Variants in NBPF11 observed in about 807,000 individuals in gnomAD.
NBPF11 encodes NBPF family member NBPF11.
NBPF11 carries 72 observed loss-of-function variants against 93.9 expected under a neutral mutation model. The ratio of observed to expected loss-of-function variants is 0.77; its 90% CI spans 0.63 to 0.93. The LOEUF is 0.93. Among genes scored for constraint, NBPF11 ranks in the 40% least tolerant of loss-of-function variants. NBPF11 has a pLI of 0.00. For missense variants in NBPF11, 705 were observed against 802.2 expected, an observed-to-expected ratio of 0.88 and a Z score of 1.46; for synonymous variants, 224 against 304.9, an observed-to-expected ratio of 0.73 and a Z score of 2.76.
At chr1:148,130,515 A>G (rs1670153002) in intron 4 of NBPF11, among the ~76,000 whole-genome samples, 1 of 151,792 alleles carries the variant, frequency 6.6e-6, no homozygotes, top group Non-Finnish European at 1.5e-5. Flanking sequence ...GGGGCCTCGT[A>G]CCTGCTTCAT....
intron 2 of NBPF11, among the ~76,000 whole-genome samples, chr1:148,140,066 T>G (rs1187862453): frequency 6.6e-6 from 1 of 151,720 alleles, no homozygotes; most frequent in Non-Finnish European, 1.5e-5. Flanking sequence ...GTGAAGTTGG[T>G]CAAAAGAGAA....
rs1331425551 is a variant in NBPF11, at chr1:148,120,632, ATC to A, written c.855_856del (p.Glu285AspfsTer8). 6.5e-7 allele frequency: 1 copy of A among 1,541,562 alleles called. No individual in the cohort carries two copies. The highest frequency in any genetic ancestry group is 1.4e-5 in the African/African-American group (1 of 73,110). On this transcript the variant is annotated frameshift_variant, in exon 10 of 24. Coordinates refer to ENST00000682118, the MANE Select transcript of NBPF11 (RefSeq NM_001385469.3). LOFTEE classifies it high-confidence loss of function. ...TTTCTCATTGATTTCTAGAATGTTC[ATC>A]TCTGCCTTCTCGCTGGACAAAGGGC...
chr1:148,138,871 A>G lies in NBPF11; in HGVS notation c.-276-1062T>C, dbSNP rs1292289564. ...TTTGAGAGGCCAAGGCAGGTGGATC[A>G]CTTGAGGTCAAGAGTTAGAGACCAA... is the stretch of plus-strand genomic sequence containing the variant. On this transcript the variant is annotated intron_variant, in intron 2 of 23. Transcript: ENST00000682118. 3.9e-5 allele frequency among the ~76,000 whole-genome samples: 6 copies of G among 151,930 alleles called. No homozygotes were observed. The East Asian group carries it at 1.2e-3, about 29-fold the overall frequency.
At chr1:148,120,745 A>G (rs1266695801) in intron 9 of NBPF11, 35 bp from the exon 10 acceptor site, 1 of 1,390,530 alleles carries the variant, frequency 7.2e-7, no homozygotes, top group Non-Finnish European at 1.0e-6. Flanking sequence ...TGATGGGTTA[A>G]AAACTGGTGA....
chr1:148,107,531 G>A (rs1194997008), intron 19 of NBPF11, among the ~76,000 whole-genome samples, 180 bp downstream of exon 19: 4 of 152,272 alleles, frequency 2.6e-5, no homozygotes, highest in Non-Finnish European at 4.4e-5. Flanking sequence ...GTTAGTAAAT[G>A]ACAAGGGGAG....
intron 10 of NBPF11, 73 bp downstream of exon 10, chr1:148,120,428 G>C (rs1156438925): frequency 2.5e-6 from 2 of 793,598 alleles, no homozygotes; most frequent in African/African-American, 1.7e-5. Flanking sequence ...TTGATGGAGA[G>C]AGCACTTAGT....
intron 1 of NBPF11, among the ~76,000 whole-genome samples, chr1:148,151,294 A>C (rs1276790420): frequency 1.3e-5 from 2 of 151,920 alleles, no homozygotes; most frequent in Non-Finnish European, 2.9e-5. Flanking sequence ...TGGCTTGCCC[A>C]TCACCAGCCT....
intron 2 of NBPF11, among the ~76,000 whole-genome samples, chr1:148,142,983 C>G (rs1423188320): frequency 1.3e-5 from 2 of 152,352 alleles, no homozygotes; most frequent in Non-Finnish European, 2.9e-5. Context: ...CCACCCAGGA[C>G]AGTGCAGAGC....
chr1:148,136,864 C>T (rs1330180673), intron 3 of NBPF11, among the ~76,000 whole-genome samples: 1 of 151,958 alleles, frequency 6.6e-6, no homozygotes, highest in African/African-American at 2.4e-5. Flanking sequence ...TCATTCACAC[C>T]TGGTGTGGAT....
chr1:148,116,325 T>C (rs1666534929), intron 13 of NBPF11, 138 bp downstream of exon 13: 1 of 867,558 alleles, frequency 1.2e-6, no homozygotes, highest in Non-Finnish European at 2.0e-6. Context: ...ACCCTGTGTC[T>C]AAGCTGGGTT....
At chr1:148,145,568 A>G (rs1461179006) in intron 1 of NBPF11, among the ~76,000 whole-genome samples, 4 of 150,982 alleles carry the variant, frequency 2.6e-5, no homozygotes, top group African/African-American at 9.8e-5. Context: ...AAAGATTGAT[A>G]AAGTATATTT....
chr1:148,103,810 T>C lies in NBPF11; in HGVS notation c.*86A>G. 6 of 1,611,840 alleles carry C rather than the reference T, an allele frequency of 3.7e-6. No individual in the cohort carries two copies. Among genetic ancestry groups the C allele is most frequent in the South Asian group, 1.1e-5 (1 of 90,988 alleles). On this transcript the variant is annotated 3_prime_UTR_variant, in exon 24 of 24. Transcript: ENST00000682118. ...AAAACACACTTCTGTAGTGCTGGAA[T>C]GAGTCAGGTAGTTCAAAGTACATTG... is the stretch of plus-strand genomic sequence containing the variant.
rs1553267062 is a variant in NBPF11, at chr1:148,105,463, T to G, written c.2369A>C (p.Gln790Pro). 71 of 1,138,816 alleles carry G rather than the reference T, an allele frequency of 6.2e-5. 6 individuals are homozygous for G. In the South Asian group the frequency reaches 8.3e-4, roughly 13 times the overall value. 70.5% of individuals were successfully genotyped at this position (1,138,816 alleles called of 1,614,324 possible). Residue 790 changes from glutamine to proline, a missense_variant, in exon 22 of 24, where the codon CAA (glutamine) becomes CCA (proline). Around this residue, in one of 12 missense-constraint regions of NBPF11, gnomAD observed 109 missense variants for 83.3 expected, o/e 1.31. Coordinates refer to ENST00000682118, the MANE Select transcript of NBPF11 (RefSeq NM_001385469.3). ...EVLQDSLDVI[Q>P]LLPVVLNSLT... ...GCTGTTCAAGACAACTGGAAGGAGT[T>G]GAATAACATCCAGTGAGTCCTGCAA...
intron 1 of NBPF11, chr1:148,149,009 C>T (rs1344990602): frequency 1.3e-4 from 86 of 640,026 alleles, no homozygotes; most frequent in Admixed American, 6.8e-4. Context: ...GGGTGGCCCT[C>T]GGGACTGGTG....
intron 10 of NBPF11, among the ~76,000 whole-genome samples, chr1:148,119,632 C>T (rs1476447623): frequency 6.6e-6 from 1 of 151,894 alleles, no homozygotes; most frequent in African/African-American, 2.4e-5. Flanking sequence ...CCAAGCTACT[C>T]TCTGCTTTTT....
At chr1:148,139,106 A>C (rs1236226682) in intron 2 of NBPF11, among the ~76,000 whole-genome samples, 1 of 151,710 alleles carries the variant, frequency 6.6e-6, no homozygotes, top group African/African-American at 2.4e-5. Context: ...AAAAAAGATA[A>C]AATAAAATAA....
rs1415852234 is a variant in NBPF11, at chr1:148,116,467, G to C, written c.1375C>G (p.Pro459Ala). The C allele has an allele frequency of 4.0e-6, 3 of 746,752 alleles. No individual in the cohort carries two copies. Among genetic ancestry groups the C allele is most frequent in the Non-Finnish European group, 7.3e-6 (3 of 410,808 alleles). 46.3% of individuals were successfully genotyped at this position (746,752 alleles called of 1,614,324 possible). The change falls in exon 13 of 24, where the codon CCC becomes GCC. Residue 459 changes from proline (P) to alanine (A), a missense_variant. Pro to Ala is a conservative substitution (Grantham distance 27). This residue lies in a region of NBPF11 where 54 missense variants were observed against 91.8 expected (regional missense o/e 0.59). Coordinates refer to ENST00000682118, the MANE Select transcript of NBPF11 (RefSeq NM_001385469.3). Reference sequence around the variant, plus strand: ...TTCCTGAGTATTCAGTGTTACCTGGGGGAAGACGATTTCTGCACTTTCTCA... The same window carrying C: ...TTCCTGAGTATTCAGTGTTACCTGGCGGAAGACGATTTCTGCACTTTCTCA... Reference protein sequence around the residue: ...VAEKVQKSSSPREMQKAEEKE... With the variant: ...VAEKVQKSSSAREMQKAEEKE...
chr1:148,146,550 C>T, intron 1 of NBPF11: 1 of 1,604,900 alleles, frequency 6.2e-7, no homozygotes, highest in East Asian at 2.2e-5. Context: ...GGGCCGCCCC[C>T]TTGGGGACCC....
intron 1 of NBPF11, among the ~76,000 whole-genome samples, chr1:148,150,920 G>A (rs1648146424): frequency 6.6e-6 from 1 of 151,716 alleles, no homozygotes; most frequent in Non-Finnish European, 1.5e-5. Flanking sequence ...GTAGAGACGG[G>A]GTTTCACTGT....
Sources: gnomAD v4.1 joint callset for allele counts (sites outside exome capture counted in the v4.1 genomes callset) on GRCh38, gnomAD v4.1.1 for gene constraint, gnomAD v4.1.1 regional missense constraint, MANE v1.5 for transcripts, NCBI Gene and HGNC (gene_info 2026-07-23, HGNC 2026-07-21) for gene names.